The following CLPB variants were observed in gnomAD, a reference collection of about 807,000 sequenced individuals.
CLPB encodes the protein mitochondrial disaggregase.
CLPB carries 40 observed loss-of-function variants against 78.4 expected under a neutral mutation model. The ratio of observed to expected loss-of-function variants is 0.51; its 90% CI spans 0.40 to 0.66. CLPB has a LOEUF of 0.66. Ranked by LOEUF, CLPB falls within the 30% of genes least tolerant of loss-of-function variation. CLPB has a pLI of 0.00. For missense variants in CLPB, 780 were observed against 886.9 expected (o/e 0.88, Z 1.53); for synonymous variants, 333 against 348.0 (o/e 0.96, Z 0.48).
chr11:72,398,461 T>C (rs888859820), intron 3 of CLPB, among the ~76,000 whole-genome samples: 6 of 152,264 alleles, frequency 3.9e-5, no homozygotes, highest in Non-Finnish European at 8.8e-5. Flanking sequence ...TTCTTGCTTA[T>C]GAACTTGTGA....
chr11:72,367,428 T>C (rs1446638586), intron 4 of CLPB, among the ~76,000 whole-genome samples: 1 of 152,178 alleles, frequency 6.6e-6, no homozygotes, highest in Non-Finnish European at 1.5e-5. Context: ...CCTACCAAAG[T>C]GCTGGGATTA....
chr11:72,400,444 CCAA>C (rs1244498244), intron 3 of CLPB, among the ~76,000 whole-genome samples: 3 of 152,204 alleles, frequency 2.0e-5, no homozygotes, highest in Non-Finnish European at 4.4e-5. Flanking sequence ...ATCAGTTAAG[CCAA>C]CAACTCATTA....
At chr11:72,308,437 G>A (rs1175505765) in intron 8 of CLPB, 90 bp downstream of exon 8, 1 of 1,130,702 alleles carries the variant, frequency 8.8e-7, no homozygotes, top group Non-Finnish European at 1.3e-6. Context: ...TGGACCTGCT[G>A]ACCCTGGCCC....
chr11:72,307,452 C>T (rs1949766084), intron 8 of CLPB, among the ~76,000 whole-genome samples, 198 bp from the exon 9 acceptor site: 1 of 152,182 alleles, frequency 6.6e-6, no homozygotes, highest in African/African-American at 2.4e-5. Flanking sequence ...AAAGTCTGCA[C>T]CTGCATCTTA....
chr11:72,299,228 C>A (rs982126676), intron 11 of CLPB, among the ~76,000 whole-genome samples: 5 of 152,242 alleles, frequency 3.3e-5, no homozygotes, highest in Non-Finnish European at 7.3e-5. Context: ...CCCATGGCCT[C>A]CCCAGCTGTA....
chr11:72,294,844 G>A, intron 12 of CLPB, 151 bp from the exon 13 acceptor site: 1 of 687,788 alleles, frequency 1.5e-6, no homozygotes, highest in Non-Finnish European at 2.5e-6. Context: ...CTTCAGCCTG[G>A]TCTCCTCCTC....
intron 3 of CLPB, among the ~76,000 whole-genome samples, chr11:72,396,237 C>T (rs990762267): frequency 7.9e-5 from 12 of 152,062 alleles, no homozygotes; most frequent in Admixed American, 5.9e-4. Context: ...AAGGCAGTGC[C>T]GGGAACCAGT....
chr11:72,354,072 C>T (rs1305990054), intron 5 of CLPB, among the ~76,000 whole-genome samples: 1 of 152,024 alleles, frequency 6.6e-6, no homozygotes, highest in African/African-American at 2.4e-5. Flanking sequence ...CCCCCATTTC[C>T]AGATGAGGAG....
intron 5 of CLPB, among the ~76,000 whole-genome samples, chr11:72,338,241 T>G (rs1480335368): frequency 6.6e-6 from 1 of 152,144 alleles, no homozygotes; most frequent in Non-Finnish European, 1.5e-5. Flanking sequence ...ACCCCCCTGG[T>G]ACAAGGGAGC....
In CLPB at chr11:72,430,493, A is replaced by G. The variant is rs1367862469; in HGVS notation, c.404-130T>C. The G allele has an allele frequency of 4.3e-6, 3 of 697,266 alleles. 1 individual carries two copies. The East Asian group carries it at 8.2e-5, about 19-fold the overall frequency. The allele number at this position is 697,266 out of a possible 1,614,324, so 43.2% of individuals were successfully genotyped here. On this transcript the variant is annotated intron_variant, in intron 1 of 15. Coordinates refer to ENST00000538039, the MANE Select transcript of CLPB (RefSeq NM_001258392.3). The stretch of plus-strand genomic sequence containing the variant: ...CTTTGACAAGCAAACTGATGTCACA[A>G]TATATAATGAGAAACGAATCATTCC...
At chr11:72,353,121 C>G (rs550757806) in intron 5 of CLPB, 3 of 152,334 alleles carry the variant, frequency 2.0e-5, no homozygotes, top group Admixed American at 2.0e-4. Context: ...TGGGTCCTGA[C>G]AACAAGCCAA....
chr11:72,399,801 C>T (rs1855510929), intron 3 of CLPB, among the ~76,000 whole-genome samples: 1 of 152,164 alleles, frequency 6.6e-6, no homozygotes, highest in African/African-American at 2.4e-5. Flanking sequence ...AAATCTAATT[C>T]AAAGGTGGTA....
At chr11:72,325,320 G>A (rs1055299490) in intron 6 of CLPB, among the ~76,000 whole-genome samples, 3 of 152,142 alleles carry the variant, frequency 2.0e-5, no homozygotes, top group Non-Finnish European at 4.4e-5. Context: ...CTGCCAGGAG[G>A]TGATCCACGC....
chr11:72,396,388 A>G (rs1358055140), intron 3 of CLPB, among the ~76,000 whole-genome samples: 1 of 152,064 alleles, frequency 6.6e-6, no homozygotes, highest in South Asian at 2.1e-4. Context: ...AGGCTTGCAA[A>G]AGCCACCACC....
At chr11:72,335,131 G>C (rs563802397) in intron 5 of CLPB, among the ~76,000 whole-genome samples, 2 of 151,988 alleles carry the variant, frequency 1.3e-5, no homozygotes, top group African/African-American at 4.8e-5. Context: ...AAAGTAGTGT[G>C]GGGGGGTGGG....
chr11:72,361,196 T>G (rs925230565), intron 4 of CLPB, among the ~76,000 whole-genome samples: 9 of 152,240 alleles, frequency 5.9e-5, no homozygotes, highest in Non-Finnish European at 1.2e-4. Flanking sequence ...CAACAGTTTC[T>G]TAGTTTCTTG....
At position 72,301,935 on chromosome 11, in the gene CLPB, G is replaced by A. The variant is rs1363666590; in HGVS notation, c.1197C>T (p.Gly399=). ...EVAKFIGSPP[G]YVGHEEGGQL... ...GGCCACCCTCCTCATGGCCAACGTAGCCTGGTGGAGACCCAATAAACTTGG... is the reference window on the plus strand; with the variant it reads ...GGCCACCCTCCTCATGGCCAACGTAACCTGGTGGAGACCCAATAAACTTGG... Residue 399 remains glycine (G), a synonymous_variant, in exon 11 of 16, where the codon GGC becomes GGT. Coordinates refer to ENST00000538039, the MANE Select transcript of CLPB (RefSeq NM_001258392.3). 6.2e-7 allele frequency: 1 copy of A among 1,614,178 alleles called. No homozygotes were observed. Among genetic ancestry groups the A allele is most frequent in the Non-Finnish European group, 8.5e-7 (1 of 1,180,014 alleles).
chr11:72,378,156 T>C (rs1304941343), intron 4 of CLPB, among the ~76,000 whole-genome samples: 1 of 152,206 alleles, frequency 6.6e-6, no homozygotes, highest in African/African-American at 2.4e-5. Flanking sequence ...AAAATGTTTA[T>C]TGAGCCCTGC....
At chr11:72,409,264 T>C (rs184618304) in intron 2 of CLPB, among the ~76,000 whole-genome samples, 10 of 152,034 alleles carry the variant, frequency 6.6e-5, no homozygotes, top group African/African-American at 2.2e-4. Context: ...CCCAGGGTGG[T>C]AGACACAGAG....
Sources: allele counts gnomAD v4.1 joint callset (sites outside exome capture counted in the v4.1 genomes callset), GRCh38; gene constraint gnomAD v4.1.1; transcripts MANE v1.5; gene names NCBI Gene and HGNC (gene_info 2026-07-23, HGNC 2026-07-21).